The following PTBP3 variants were observed in gnomAD, a reference collection of about 807,000 sequenced individuals.
PTBP3 encodes polypyrimidine tract-binding protein 3.
PTBP3 carries 20 observed loss-of-function variants against 58.7 expected under a neutral mutation model. That is an observed-to-expected ratio of 0.34 (90% CI 0.24 to 0.50). PTBP3 has a LOEUF of 0.50. Among genes scored for constraint, PTBP3 ranks in the 20% least tolerant of loss-of-function variants. The probability of loss-of-function intolerance (pLI) is 0.98; values close to 1 mark genes in which losing one functional copy is unlikely to be tolerated. For synonymous variants in PTBP3, 185 were observed against 219.8 expected, an observed-to-expected ratio of 0.84 and a Z score of 1.40; for missense variants, 509 against 637.2, an observed-to-expected ratio of 0.80 and a Z score of 2.17.
chr9:112,309,585 A>C (rs1300092449), intron 1 of PTBP3, among the ~76,000 whole-genome samples: 1 of 152,122 alleles, frequency 6.6e-6, no homozygotes, highest in Non-Finnish European at 1.5e-5. Flanking sequence ...CAGGAGTTTG[A>C]GACCAGTCTG....
rs375648210 is a variant in PTBP3, at chr9:112,275,956, C to T, written c.92G>A (p.Arg31His). 15 of 1,613,356 alleles carry T rather than the reference C, an allele frequency of 9.3e-6. No individual in the cohort carries two copies. The highest frequency in any genetic ancestry group is 6.8e-6 in the Non-Finnish European group (8 of 1,179,468). ...TGGAATTTTTCGAAGATGGAGAACACGGGAAGGCGAACAGGGAGGTCTATC... is the reference window on the plus strand; with the variant it reads ...TGGAATTTTTCGAAGATGGAGAACATGGGAAGGCGAACAGGGAGGTCTATC... Reference protein sequence around the residue: ...KRDRPPCSPSRVLHLRKIPCD... With the variant: ...KRDRPPCSPSHVLHLRKIPCD... The change falls in exon 3 of 14, where the codon CGT becomes CAT. Residue 31 changes from arginine to histidine, a missense_variant. Transcript: ENST00000374257.
At chr9:112,335,274 TG>T (rs1291175372), upstream of PTBP3, among the ~76,000 whole-genome samples, 1 of 75,948 alleles carries the variant, frequency 1.3e-5, no homozygotes, top group Non-Finnish European at 3.7e-5. Flanking sequence ...TTTTGTTGTT[TG>T]TTTTTTTGTT....
the PTBP3 span, among the ~76,000 whole-genome samples, chr9:112,370,747 T>C: frequency 6.6e-6 from 1 of 152,210 alleles, no homozygotes. Context: ...CAATTTTAAG[T>C]CTTTCAACCC....
chr9:112,363,509 A>G, the PTBP3 span, among the ~76,000 whole-genome samples: 3 of 130,768 alleles, frequency 2.3e-5, no homozygotes, highest in Non-Finnish European at 4.6e-5. Flanking sequence ...GCTACAGAGC[A>G]AAACTGTCAC....
chr9:112,274,637 T>C (rs979528758), intron 3 of PTBP3, among the ~76,000 whole-genome samples: 1 of 152,220 alleles, frequency 6.6e-6, no homozygotes, highest in African/African-American at 2.4e-5. Context: ...GAAGACTCTT[T>C]ACAGTCTCTT....
chr9:112,286,975 A>G (rs1473514647), intron 2 of PTBP3, among the ~76,000 whole-genome samples: 2 of 151,962 alleles, frequency 1.3e-5, no homozygotes, highest in East Asian at 3.9e-4. Context: ...CTCTCTCCTC[A>G]TTCTAATCTT....
At chr9:112,350,427 G>A in the PTBP3 span, among the ~76,000 whole-genome samples, 1 of 152,080 alleles carries the variant, frequency 6.6e-6, no homozygotes, top group African/African-American at 2.4e-5. Flanking sequence ...GAAACATTGT[G>A]ATAGTACAGA....
At chr9:112,319,679 T>C (rs913594560) in intron 1 of PTBP3, among the ~76,000 whole-genome samples, 1 of 150,256 alleles carries the variant, frequency 6.7e-6, no homozygotes, top group African/African-American at 2.5e-5. Flanking sequence ...ACTGGGTATA[T>C]ATCCAGAGGA....
At chr9:112,316,918 G>A (rs968827966) in intron 1 of PTBP3, among the ~76,000 whole-genome samples, 1 of 151,514 alleles carries the variant, frequency 6.6e-6, no homozygotes, top group African/African-American at 2.4e-5. Flanking sequence ...GCTGCAGTGA[G>A]CTGAGATCAT....
Position 112,235,730 on chromosome 9 carries a change from T to C in PTBP3, c.803-833A>G, listed in dbSNP as rs538389152. On this transcript the variant is annotated intron_variant, in intron 7 of 13. Transcript: ENST00000374257. ...TGTGTAGAAATAAATGTGAAAGCCA[T>C]ACAAATGAGAGCTCCACTTAAAAAG... Among the ~76,000 whole-genome samples, 64 of 152,168 alleles carry C rather than the reference T, an allele frequency of 4.2e-4. 2 individuals carry two copies. The Middle Eastern group carries it at 0.01, about 24-fold the overall frequency.
chr9:112,246,964 C>T (rs920208136), intron 7 of PTBP3, among the ~76,000 whole-genome samples: 12 of 152,098 alleles, frequency 7.9e-5, no homozygotes, highest in Non-Finnish European at 1.6e-4. Context: ...GAGGAAAACC[C>T]AGACATCTAT....
the PTBP3 span, among the ~76,000 whole-genome samples, chr9:112,372,406 C>T: frequency 2.6e-5 from 4 of 152,048 alleles, no homozygotes; most frequent in Non-Finnish European, 4.4e-5. Flanking sequence ...TTTAAAAAAA[C>T]GAGGTGGAAT....
chr9:112,351,755 T>C, the PTBP3 span, among the ~76,000 whole-genome samples: 1 of 152,208 alleles, frequency 6.6e-6, no homozygotes, highest in Non-Finnish European at 1.5e-5. Flanking sequence ...GCCCAAATTT[T>C]TCCAGCTTTG....
chr9:112,238,603 T>C (rs1051163808), intron 7 of PTBP3, among the ~76,000 whole-genome samples: 1 of 152,078 alleles, frequency 6.6e-6, no homozygotes, highest in Non-Finnish European at 1.5e-5. Flanking sequence ...AAATAAATCC[T>C]TAAATGAATA....
rs563157125 is a variant in PTBP3, at chr9:112,236,554, A to G, written c.803-1657T>C. Among the ~76,000 whole-genome samples, 4 of 152,328 alleles carry G rather than the reference A, an allele frequency of 2.6e-5. No homozygotes were observed. In the East Asian group the frequency reaches 7.7e-4, roughly 29 times the overall value. On this transcript the variant is annotated intron_variant, in intron 7 of 13. Transcript: ENST00000374257. ...AACATCTACACTAGAAAGGCTAAAA[A>G]CAAAGTTAAACAATAAGGAGAGATA...
chr9:112,241,581 A>G (rs186145779), intron 7 of PTBP3, among the ~76,000 whole-genome samples: 75 of 152,354 alleles, frequency 4.9e-4, no homozygotes, highest in African/African-American at 1.7e-3. Flanking sequence ...TGCCTATAGT[A>G]TACATTATGG....
At chr9:112,253,340 G>T (rs183651398) in intron 5 of PTBP3, among the ~76,000 whole-genome samples, 1 of 152,162 alleles carries the variant, frequency 6.6e-6, no homozygotes, top group Non-Finnish European at 1.5e-5. Flanking sequence ...GGGAAGGGGT[G>T]AGCACGAACC....
At position 112,252,674 on chromosome 9, in the gene PTBP3, T is replaced by C; in HGVS notation, c.627+4A>G. On this transcript the variant is annotated splice_donor_region_variant and intron_variant, in intron 6 of 13. Coordinates refer to ENST00000374257, the MANE Select transcript of PTBP3 (RefSeq NM_001163788.4). The stretch of plus-strand genomic sequence containing the variant: ...TTGAAAAATGAAACAAAGATCATAA[T>C]TACCATTTTGGCATAATGTGCATTT... 6.4e-7 allele frequency: 1 copy of C among 1,561,138 alleles called. No homozygotes were observed. The highest frequency in any genetic ancestry group is 1.1e-5 in the South Asian group (1 of 89,678).
intron 12 of PTBP3, among the ~76,000 whole-genome samples, chr9:112,227,173 T>C (rs1437857374): frequency 6.6e-6 from 1 of 152,146 alleles, no homozygotes; most frequent in Non-Finnish European, 1.5e-5. Context: ...CACTGAAAAA[T>C]AACTAGTTGT....
Sources: allele counts gnomAD v4.1 joint callset (sites outside exome capture counted in the v4.1 genomes callset), GRCh38; gene constraint gnomAD v4.1.1; transcripts MANE v1.5; gene names NCBI Gene and HGNC (gene_info 2026-07-23, HGNC 2026-07-21).